Variants in IFT56 observed in about 807,000 individuals in gnomAD.
IFT56 encodes the protein intraflagellar transport 56.
At chr7:139,139,321 C>T in the IFT56 span, among the ~76,000 whole-genome samples, 1 of 152,060 alleles carries the variant, frequency 6.6e-6, no homozygotes, top group Non-Finnish European at 1.5e-5. Flanking sequence ...GAAAGAACAA[C>T]CCACTTGTAG....
chr7:139,160,246 A>G, the IFT56 span, among the ~76,000 whole-genome samples: 1 of 152,186 alleles, frequency 6.6e-6, no homozygotes. Context: ...ACTAATAGAA[A>G]TAGAAAAGGG....
At chr7:139,168,271 A>T in the IFT56 span, 1 of 955,462 alleles carries the variant, frequency 1.0e-6, no homozygotes, top group Non-Finnish European at 1.6e-6. Flanking sequence ...TATTGAGTTA[A>T]TGCAAGGAGT....
At chr7:139,154,686 C>T in the IFT56 span, among the ~76,000 whole-genome samples, 3,255 of 152,194 alleles carry the variant, frequency 0.021, 84 homozygotes, top group African/African-American at 0.073. Flanking sequence ...AGTTCTCTTC[C>T]ATTGGTCTAT....
At chr7:139,163,266 C>T in the IFT56 span, among the ~76,000 whole-genome samples, 1 of 150,544 alleles carries the variant, frequency 6.6e-6, no homozygotes, top group Non-Finnish European at 1.5e-5. Flanking sequence ...GGTGTGAACC[C>T]GGGAGGCGAA....
At chr7:139,188,105 CTTTT>C in the IFT56 span, among the ~76,000 whole-genome samples, 2 of 126,620 alleles carry the variant, frequency 1.6e-5, no homozygotes, top group African/African-American at 2.8e-5. Flanking sequence ...TTCTTTCTTT[CTTTT>C]TTTTTTTTTT....
chr7:139,184,112 C>T, the IFT56 span, among the ~76,000 whole-genome samples: 2 of 152,202 alleles, frequency 1.3e-5, no homozygotes, highest in African/African-American at 4.8e-5. Flanking sequence ...CACACAAGCC[C>T]CTGCCCATGC....
At chr7:139,176,949 G>A in the IFT56 span, among the ~76,000 whole-genome samples, 3,165 of 151,992 alleles carry the variant, frequency 0.021, 88 homozygotes, top group African/African-American at 0.07. Context: ...TGAGGTGGGC[G>A]TATTACGAGG....
chr7:139,166,884 A>G, the IFT56 span: 23 of 1,583,550 alleles, frequency 1.5e-5, no homozygotes, highest in Non-Finnish European at 2.0e-5. Flanking sequence ...TCTGGAACCT[A>G]CTACTCCTCA....
the IFT56 span, among the ~76,000 whole-genome samples, chr7:139,177,858 G>A: frequency 6.6e-6 from 1 of 152,068 alleles, no homozygotes; most frequent in African/African-American, 2.4e-5. Flanking sequence ...GTGCTAGGTT[G>A]ATTTAGAAAA....
chr7:139,189,360 A>G, the IFT56 span: 1 of 1,613,190 alleles, frequency 6.2e-7, no homozygotes. Context: ...TGAGAAGCAC[A>G]GGTAACACCC....
the IFT56 span, among the ~76,000 whole-genome samples, chr7:139,147,569 CTATATG>C: frequency 6.6e-6 from 1 of 152,108 alleles, no homozygotes; most frequent in African/African-American, 2.4e-5. Flanking sequence ...CATATATGTA[CTATATG>C]TATAACTGTG....
chr7:139,182,171 A>AT, the IFT56 span, among the ~76,000 whole-genome samples: 25 of 152,204 alleles, frequency 1.6e-4, no homozygotes, highest in African/African-American at 5.5e-4. Context: ...AAAGATTAAG[A>AT]TTTTTTTAAA....
At chr7:139,133,787 T>G in the IFT56 span, 1 of 1,607,862 alleles carries the variant, frequency 6.2e-7, no homozygotes, top group South Asian at 1.1e-5. Context: ...CAGAACGTGC[T>G]GTGTGGATGC....
chr7:139,180,767 C>T, the IFT56 span, among the ~76,000 whole-genome samples: 3 of 152,028 alleles, frequency 2.0e-5, no homozygotes, highest in African/African-American at 4.8e-5. Context: ...ATTTAGCAAT[C>T]GTATCTTCTA....
At chr7:139,188,748 A>G in the IFT56 span, among the ~76,000 whole-genome samples, 1 of 152,238 alleles carries the variant, frequency 6.6e-6, no homozygotes, top group African/African-American at 2.4e-5. Context: ...TTAAATTTAA[A>G]TTACTTCAAA....
chr7:139,170,616 A>G, the IFT56 span, among the ~76,000 whole-genome samples: 1 of 152,244 alleles, frequency 6.6e-6, no homozygotes, highest in Admixed American at 6.5e-5. Flanking sequence ...GATCATTTCA[A>G]TTGATGCTGG....
the IFT56 span, chr7:139,165,310 G>A: frequency 1.1e-5 from 11 of 963,540 alleles, no homozygotes; most frequent in Non-Finnish European, 1.5e-5. Flanking sequence ...GGAACTATTT[G>A]CTTCACTTTT....
At chr7:139,149,583 T>G in the IFT56 span, among the ~76,000 whole-genome samples, 1 of 152,102 alleles carries the variant, frequency 6.6e-6, no homozygotes, top group African/African-American at 2.4e-5. Context: ...ACATTCTCAC[T>G]CCTGGAATGA....
chr7:139,152,695 A>T, the IFT56 span, among the ~76,000 whole-genome samples: 1 of 152,224 alleles, frequency 6.6e-6, no homozygotes, highest in African/African-American at 2.4e-5. Flanking sequence ...ATGATGACCT[A>T]CATCTTTAAT....
Sources: allele counts gnomAD v4.1 joint callset (sites outside exome capture counted in the v4.1 genomes callset), GRCh38; gene constraint gnomAD v4.1.1; transcripts MANE v1.5; gene names NCBI Gene and HGNC (gene_info 2026-07-23, HGNC 2026-07-21).